The following WDFY3 variants were observed in gnomAD, a reference collection of about 807,000 sequenced individuals.
The protein encoded by WDFY3 is WD repeat and FYVE domain-containing protein 3.
A neutral mutation model predicts 409.6 loss-of-function variants in WDFY3; 66 were observed. That is an observed-to-expected ratio of 0.16 (90% CI 0.13 to 0.20). The LOEUF is 0.20. WDFY3 is among the 10% of genes least tolerant of loss of function. The pLI is 1.00. For synonymous variants in WDFY3, 1,521 were observed against 1,537.1 expected (o/e 0.99, Z 0.25); for missense variants, 3,031 against 4,298.1 (o/e 0.71, Z 8.24).
At chr4:84,867,155 A>G (rs1350315256) in intron 3 of WDFY3, among the ~76,000 whole-genome samples, 1 of 152,200 alleles carries the variant, frequency 6.6e-6, no homozygotes, top group East Asian at 1.9e-4. Context: ...TACATTCAAT[A>G]AATGTTATCT....
At chr4:84,737,576 A>C (rs1355780745) in intron 40 of WDFY3, among the ~76,000 whole-genome samples, 1 of 152,170 alleles carries the variant, frequency 6.6e-6, no homozygotes, top group African/African-American at 2.4e-5. Flanking sequence ...AACATTAAAA[A>C]AACTTTATAT....
chr4:84,834,693 T>C lies in WDFY3; in HGVS notation c.576+2236A>G, dbSNP rs746312234. On this transcript the variant is annotated intron_variant, in intron 7 of 67. Transcript: ENST00000295888. Reference sequence around the variant, plus strand: ...CTCTTCTGCCTCTACTAACCACTTATATTTGTAAGAACTCTGTTACAAAAG... The same window carrying C: ...CTCTTCTGCCTCTACTAACCACTTACATTTGTAAGAACTCTGTTACAAAAG... Among the ~76,000 whole-genome samples, 21 of 152,228 alleles carry C rather than the reference T, an allele frequency of 1.4e-4. No homozygotes were observed. The Middle Eastern group carries it at 0.014, about 99-fold the overall frequency.
At chr4:84,841,043 T>C in intron 6 of WDFY3, 111 bp downstream of exon 6, 7 of 864,936 alleles carry the variant, frequency 8.1e-6, no homozygotes, top group Non-Finnish European at 1.0e-5. Context: ...AGAATACAAA[T>C]GATTATCATA....
chr4:84,676,357 T>C (rs1473100526), intron 67 of WDFY3, among the ~76,000 whole-genome samples: 1 of 152,230 alleles, frequency 6.6e-6, no homozygotes, highest in African/African-American at 2.4e-5. Flanking sequence ...GGAAAAAGTC[T>C]GGCAGTACCA....
intron 1 of WDFY3, among the ~76,000 whole-genome samples, chr4:84,937,019 A>C (rs1242379419): frequency 6.6e-6 from 1 of 152,114 alleles, no homozygotes; most frequent in African/African-American, 2.4e-5. Context: ...ACAAACAACA[A>C]AACCTCTCGA....
At chr4:84,829,216 T>C (rs1337382355) in intron 8 of WDFY3, 26 bp from the exon 9 acceptor site, 4 of 1,500,762 alleles carry the variant, frequency 2.7e-6, no homozygotes, top group East Asian at 2.3e-5. Context: ...ATTAAATAAA[T>C]ATGCATTATT....
At chr4:84,726,079 G>A (rs891261255) in intron 45 of WDFY3, among the ~76,000 whole-genome samples, 31 of 152,010 alleles carry the variant, frequency 2.0e-4, no homozygotes, top group African/African-American at 6.5e-4. Flanking sequence ...AAGGAAGGTC[G>A]TAGATTTTGT....
intron 25 of WDFY3, among the ~76,000 whole-genome samples, chr4:84,781,062 T>C (rs954009423): frequency 5.3e-5 from 8 of 152,142 alleles, no homozygotes; most frequent in African/African-American, 1.9e-4. Flanking sequence ...GGAGAAGCTA[T>C]CCTGGCGGGG....
chr4:84,871,492 G>A (rs1762126470), intron 3 of WDFY3, among the ~76,000 whole-genome samples: 1 of 152,114 alleles, frequency 6.6e-6, no homozygotes, highest in African/African-American at 2.4e-5. Flanking sequence ...CTTGTTGTGA[G>A]GAGATCTTCT....
chr4:84,880,107 A>G (rs1379050320), intron 3 of WDFY3, among the ~76,000 whole-genome samples: 1 of 152,168 alleles, frequency 6.6e-6, no homozygotes, highest in Non-Finnish European at 1.5e-5. Flanking sequence ...AATCACAAAG[A>G]AGGAGTCAGG....
chr4:84,680,793 T>G (rs1195839641), intron 64 of WDFY3, among the ~76,000 whole-genome samples: 2 of 152,188 alleles, frequency 1.3e-5, no homozygotes, highest in Non-Finnish European at 2.9e-5. Context: ...AATCTGGAGA[T>G]GATTTAAGGT....
Position 84,691,756 on chromosome 4 carries a change from A to G in WDFY3, c.9079T>C (p.Cys3027Arg), listed in dbSNP as rs1729299764. 6.2e-7 allele frequency: 1 copy of G among 1,613,780 alleles called. No homozygotes were observed. The highest frequency in any genetic ancestry group is 1.3e-5 in the African/African-American group (1 of 74,936). ...ELKEPVGQIV[C>R]TDKGILAVEQ... ...ACCGCAAGAATACCTTTATCTGTAC[A>G]TACGATTTGTCCTACAGGTTCTTTG... Residue 3027 changes from cysteine (C) to arginine (R), a missense_variant, in exon 60 of 68, where the codon TGT (cysteine) becomes CGT (arginine). By Grantham distance (180) the Cys-to-Arg change is radical. Transcript: ENST00000295888.
Sources: gnomAD v4.1 joint callset for allele counts (sites outside exome capture counted in the v4.1 genomes callset) on GRCh38, gnomAD v4.1.1 for gene constraint, MANE v1.5 for transcripts, NCBI Gene and HGNC (gene_info 2026-07-23, HGNC 2026-07-21) for gene names.